AUTS2: variants seen among roughly 807,000 people sequenced by gnomAD.
The protein encoded by AUTS2 is autism susceptibility gene 2 protein.
In AUTS2, 17 loss-of-function variants were observed where a neutral mutation model predicts 112.4. The ratio of observed to expected loss-of-function variants is 0.15; its 90% confidence interval spans 0.10 to 0.23. The LOEUF (loss-of-function observed/expected upper bound fraction) is 0.23, where lower values mean the gene tolerates loss of function less well. AUTS2 is among the 10% of genes least tolerant of loss of function. The pLI is 1.00. For missense variants in AUTS2, 1,510 were observed against 1,701.6 expected (o/e 0.89, Z 1.98); for synonymous variants, 751 against 702.7 (o/e 1.07, Z -1.09).
intron 5 of AUTS2, among the ~76,000 whole-genome samples, chr7:70,616,660 GA>G (rs1236595568): frequency 3.3e-5 from 5 of 152,186 alleles, no homozygotes; most frequent in African/African-American, 1.2e-4. Context: ...GGGAATGAAC[GA>G]GTGGTCAGGG....
chr7:70,345,440 A>G (rs1791452451), intron 4 of AUTS2, among the ~76,000 whole-genome samples: 3 of 152,002 alleles, frequency 2.0e-5, no homozygotes, highest in Admixed American at 2.0e-4. Flanking sequence ...TCCAACTTTT[A>G]TATGTGGCCT....
chr7:70,173,700 G>C (rs1254107003), intron 4 of AUTS2, among the ~76,000 whole-genome samples: 1 of 152,148 alleles, frequency 6.6e-6, no homozygotes, highest in Non-Finnish European at 1.5e-5. Flanking sequence ...ATGTCTCTGT[G>C]TGACATTTTG....
chr7:70,271,591 T>C (rs555480147), intron 4 of AUTS2, among the ~76,000 whole-genome samples: 1 of 152,350 alleles, frequency 6.6e-6, no homozygotes. Context: ...TCCTAAATGA[T>C]TATTCCAGAA....
intron 2 of AUTS2, among the ~76,000 whole-genome samples, chr7:70,066,080 G>A (rs956661356): frequency 2.6e-5 from 4 of 152,060 alleles, no homozygotes; most frequent in African/African-American, 9.7e-5. Context: ...CAATCTGTAG[G>A]ACTATTTGGT....
At position 69,763,313 on chromosome 7, in the gene AUTS2, A is replaced by T. The variant is rs527961493; in HGVS notation, c.310-135973A>T. 5.3e-5 allele frequency among the ~76,000 whole-genome samples: 8 copies of T among 151,874 alleles called. 1 individual carries two copies. The highest frequency in any genetic ancestry group is 4.6e-4 in the Admixed American group (7 of 15,234). ...AGGTAGAACCCCTTCAGATCTTGGG[A>T]TCTCAGTTTCCTCTCAAATGCATGC... is the stretch of plus-strand genomic sequence containing the variant. On this transcript the variant is annotated intron_variant, in intron 1 of 18. Coordinates refer to ENST00000342771, the MANE Select transcript of AUTS2 (RefSeq NM_015570.4).
At chr7:70,368,612 T>A (rs916742631) in intron 4 of AUTS2, among the ~76,000 whole-genome samples, 2 of 152,180 alleles carry the variant, frequency 1.3e-5, no homozygotes, top group African/African-American at 4.8e-5. Context: ...TCTCTGCCCC[T>A]CAGAGACCCA....
Position 69,899,472 on chromosome 7 carries a change from A to G in AUTS2, c.496A>G (p.Lys166Glu). The G allele has an allele frequency of 6.2e-7, 1 of 1,613,980 alleles. No homozygotes were observed. Among genetic ancestry groups the G allele is most frequent in the Non-Finnish European group, 8.5e-7 (1 of 1,179,864 alleles). Residue 166 changes from lysine to glutamate, a missense_variant, in exon 2 of 19, where the codon AAG (lysine) becomes GAG (glutamate). Transcript: ENST00000342771. ...TCTCTGCCAGCACCTTGGGAAGAGA[A>G]AGAAAATGCCGAAGGCACTCAGACA... ...RNLCQHLGKR[K>E]KMPKALRQLK... is the part of the protein sequence containing the mutation.
At chr7:70,147,590 T>C (rs1256072878) in intron 4 of AUTS2, among the ~76,000 whole-genome samples, 1 of 152,140 alleles carries the variant, frequency 6.6e-6, no homozygotes, top group African/African-American at 2.4e-5. Flanking sequence ...GAAGCACATG[T>C]TTTCCTATTT....
At chr7:70,043,771 G>A (rs886106496) in intron 2 of AUTS2, among the ~76,000 whole-genome samples, 11 of 151,838 alleles carry the variant, frequency 7.2e-5, no homozygotes, top group East Asian at 3.9e-4. Context: ...CACCACGTGC[G>A]TCTAATTTTG....
intron 4 of AUTS2, among the ~76,000 whole-genome samples, chr7:70,186,550 A>C (rs139253342): frequency 6.6e-6 from 1 of 152,164 alleles, no homozygotes; most frequent in African/African-American, 2.4e-5. Context: ...AATATCTAAC[A>C]TACTACATTA....
chr7:70,746,625 G>T (rs1347196259), intron 6 of AUTS2, among the ~76,000 whole-genome samples: 1 of 152,176 alleles, frequency 6.6e-6, no homozygotes, highest in East Asian at 1.9e-4. Flanking sequence ...GGGGTTAACC[G>T]TGAGGCTGAA....
intron 1 of AUTS2, among the ~76,000 whole-genome samples, chr7:69,780,451 G>A (rs1460820925): frequency 6.6e-6 from 1 of 152,160 alleles, no homozygotes; most frequent in East Asian, 1.9e-4. Flanking sequence ...TGTTGTGATA[G>A]GGCCATGCTC....
Position 70,724,443 on chromosome 7 carries a change from C to CTTTT in AUTS2, c.742+25840_742+25843dup, listed in dbSNP as rs71077675. ...AAGAATGATTTTATTTTCATCCTGA[C>CTTTT]TTTTTTTTTTTTTTTTTTTTGAGAC... On this transcript the variant is annotated intron_variant, in intron 6 of 18. Transcript: ENST00000342771. 7.9e-5 allele frequency among the ~76,000 whole-genome samples: 8 copies of CTTTT among 101,372 alleles called. 1 individual carries two copies. In the East Asian group the frequency reaches 1.2e-3, roughly 15 times the overall value. 66.5% of individuals were successfully genotyped at this position (101,372 alleles called of 152,430 possible). A position where few individuals can be genotyped will look rare whatever the true frequency, so the allele number is the denominator to read the frequency against.
At chr7:70,242,158 A>T (rs1014319150) in intron 4 of AUTS2, among the ~76,000 whole-genome samples, 1 of 152,172 alleles carries the variant, frequency 6.6e-6, no homozygotes, top group African/African-American at 2.4e-5. Context: ...GTTAGACATG[A>T]ATAGCCTGGT....
intron 1 of AUTS2, among the ~76,000 whole-genome samples, chr7:69,672,514 A>G: frequency 6.6e-6 from 1 of 152,240 alleles, no homozygotes; most frequent in East Asian, 1.9e-4. Flanking sequence ...GCATGATTTC[A>G]GGAAAGAGTA....
Position 70,304,079 on chromosome 7 carries a change from A to G in AUTS2, c.661-131673A>G, listed in dbSNP as rs1025827600. ...CCTTGCAGTTCCATGCTCATCACCA[A>G]CACTGCAGACATCTGCTGCCACTTT... On this transcript the variant is annotated intron_variant, in intron 4 of 18. Coordinates refer to ENST00000342771, the MANE Select transcript of AUTS2 (RefSeq NM_015570.4). 2.6e-5 allele frequency among the ~76,000 whole-genome samples: 4 copies of G among 152,174 alleles called. No homozygotes were observed. The East Asian group carries it at 7.7e-4, about 29-fold the overall frequency.
chr7:70,665,632 C>T (rs1807305131), intron 5 of AUTS2, among the ~76,000 whole-genome samples: 2 of 152,078 alleles, frequency 1.3e-5, no homozygotes, highest in South Asian at 4.1e-4. Context: ...GGTAGCATTC[C>T]ATTTAGCTAC....
In AUTS2 at chr7:69,999,719, G is replaced by A. The variant is rs111578806; in HGVS notation, c.522+100221G>A. On this transcript the variant is annotated intron_variant, in intron 2 of 18. Coordinates refer to ENST00000342771, the MANE Select transcript of AUTS2 (RefSeq NM_015570.4). ...GGAACCTAATGAAAATAGTAGTGAA[G>A]TTTTACACATTACATAGTTACCCCC... 9.9e-3 allele frequency among the ~76,000 whole-genome samples: 1,510 copies of A among 152,106 alleles called. 37 individuals carry two copies. The highest frequency in any genetic ancestry group is 0.034 in the African/African-American group (1,421 of 41,478).
intron 14 of AUTS2, among the ~76,000 whole-genome samples, chr7:70,781,115 CTT>C (rs1446535951): frequency 6.6e-6 from 1 of 152,114 alleles, no homozygotes; most frequent in African/African-American, 2.4e-5. Context: ...AATCCTAGCA[CTT>C]TGGGAGACCG....
Sources: allele counts gnomAD v4.1 joint callset (sites outside exome capture counted in the v4.1 genomes callset), GRCh38; gene constraint gnomAD v4.1.1; transcripts MANE v1.5; gene names NCBI Gene and HGNC (gene_info 2026-07-23, HGNC 2026-07-21).